BRWD1: variants seen among roughly 807,000 people sequenced by gnomAD.
BRWD1 encodes the protein bromodomain and WD repeat-containing protein 1.
In BRWD1, 82 loss-of-function variants were observed where a neutral mutation model predicts 251.2. That is an observed-to-expected ratio of 0.33 (90% CI 0.27 to 0.39). The LOEUF is 0.39. Among genes scored for constraint, BRWD1 ranks in the 10% least tolerant of loss-of-function variants. The probability of loss-of-function intolerance (pLI) is 1.00; values close to 1 mark genes in which losing one functional copy is unlikely to be tolerated. For synonymous variants in BRWD1, 918 were observed against 902.8 expected, an observed-to-expected ratio of 1.02 and a Z score of -0.30; for missense variants, 2,233 against 2,711.6, an observed-to-expected ratio of 0.82 and a Z score of 3.92.
Position 39,275,799 on chromosome 21 carries a change from G to A in BRWD1, c.1145+374C>T, listed in dbSNP as rs893203968. 4.6e-5 allele frequency among the ~76,000 whole-genome samples: 7 copies of A among 152,168 alleles called. No individual in the cohort carries two copies. In the South Asian group the frequency reaches 6.2e-4, roughly 13 times the overall value. On this transcript the variant is annotated intron_variant, in intron 12 of 40. Transcript: ENST00000342449. ...TGTAATCCCAGCACTTTAGGAGGGC[G>A]AGGCAGGCAGATCACCTGAAGTCGG...
chr21:39,232,595 C>T, intron 23 of BRWD1, 97 bp from the exon 24 acceptor site: 1 of 1,400,776 alleles, frequency 7.1e-7, no homozygotes, highest in Non-Finnish European at 9.7e-7. Context: ...TTCAGAATGA[C>T]TATTTTTGCC....
chr21:39,314,456 A>G (rs9981349), upstream of BRWD1: 44,569 of 394,430 alleles, frequency 0.11, 2,876 homozygotes, highest in East Asian at 0.15. Flanking sequence ...GGTGGTGCAG[A>G]CGGGCCGCAG....
In BRWD1 at chr21:39,187,522, A is replaced by C; in HGVS notation, c.*8737T>G. On this transcript the variant is annotated 3_prime_UTR_variant, in exon 41 of 41. Transcript: ENST00000342449. ...CACTCATTCGGAAACAATAAATTTA[A>C]AAGTCATATTGCTAAATGATAAATT... 7.0e-7 allele frequency: 1 copy of C among 1,421,678 alleles called. No individual in the cohort carries two copies. The highest frequency in any genetic ancestry group is 9.2e-7 in the Non-Finnish European group (1 of 1,091,188). The allele number at this position is 1,421,678 out of a possible 1,614,324, so 88.1% of individuals were successfully genotyped here.
Position 39,197,162 on chromosome 21 carries a change from ACAAG to A in BRWD1, c.5903_5906del (p.Ala1968ValfsTer8). ...CACTCAATTTCTTCTTAGCTGTAGT[ACAAG>A]CAAGATGGAGAGGTTTTTTCCTTCC... On this transcript the variant is annotated frameshift_variant, in exon 41 of 41. Coordinates refer to ENST00000342449, the MANE Select transcript of BRWD1 (RefSeq NM_033656.4). LOFTEE classifies it low-confidence loss of function (END_TRUNC). The A allele has an allele frequency of 6.2e-7, 1 of 1,614,156 alleles. No homozygotes were observed. The highest frequency in any genetic ancestry group is 8.5e-7 in the Non-Finnish European group (1 of 1,179,976).
rs2031442642 is a variant in BRWD1 at position 39,189,684 on chromosome 21, T to A, written c.*6575A>T. 1.0e-6 allele frequency: 1 copy of A among 982,410 alleles called. No individual in the cohort carries two copies. The highest frequency in any genetic ancestry group is 1.2e-6 in the Non-Finnish European group (1 of 827,310). The allele number at this position is 982,410 out of a possible 1,614,324, so 60.9% of individuals were successfully genotyped here. A position where few individuals can be genotyped will look rare whatever the true frequency, so the allele number is the denominator to read the frequency against. On this transcript the variant is annotated 3_prime_UTR_variant, in exon 41 of 41. Transcript: ENST00000342449. ...GAGGAAGACAAAACTGTGGAGAATT[T>A]TTTTAAATACATTCAAGTCAGTGTT... is the stretch of plus-strand genomic sequence containing the variant.
chr21:39,229,526 A>G, intron 25 of BRWD1, 90 bp from the exon 26 acceptor site: 2 of 1,284,456 alleles, frequency 1.6e-6, no homozygotes, highest in Admixed American at 2.5e-5. Context: ...GTAAACTCAT[A>G]ATTTAGGCTT....
rs1405640900 is a variant in BRWD1, at chr21:39,218,232, T to C, written c.3579A>G (p.Thr1193=). ...CTACTACAGTACAGTACTTCGGGTA[T>C]GTACACAAATCAACAGGGCCTGCAA... ...AAFAGPVDLC[T]YPKYCTVVAY... Residue 1193 remains threonine (T), a synonymous_variant, in exon 31 of 41, where the codon ACA becomes ACG. Coordinates refer to ENST00000342449, the MANE Select transcript of BRWD1 (RefSeq NM_033656.4). 1 of 1,611,718 alleles carries C rather than the reference T, an allele frequency of 6.2e-7. No homozygotes were observed. Among genetic ancestry groups the C allele is most frequent in the Non-Finnish European group, 8.5e-7 (1 of 1,179,458 alleles).
chr21:39,231,817 T>G (rs1327684130), intron 25 of BRWD1, among the ~76,000 whole-genome samples: 1 of 152,232 alleles, frequency 6.6e-6, no homozygotes, highest in East Asian at 1.9e-4. Flanking sequence ...ATCCATGAGG[T>G]TAAACCCTTC....
chr21:39,313,190 C>T (rs1448150038), intron 2 of BRWD1, 51 bp downstream of exon 2: 2 of 1,510,010 alleles, frequency 1.3e-6, no homozygotes, highest in Non-Finnish European at 1.8e-6. Context: ...CCCCCGGCGG[C>T]GGGGACACTG....
Position 39,193,277 on chromosome 21 carries a change from T to G in BRWD1, c.*2982A>C, listed in dbSNP as rs2031648105. The G allele has an allele frequency of 3.8e-5, 37 of 985,022 alleles. No individual in the cohort carries two copies. The highest frequency in any genetic ancestry group is 4.3e-5 in the Non-Finnish European group (36 of 829,734). The allele number at this position is 985,022 out of a possible 1,614,324, so 61.0% of individuals were successfully genotyped here. A position where few individuals can be genotyped will look rare whatever the true frequency, so the allele number is the denominator to read the frequency against. On this transcript the variant is annotated 3_prime_UTR_variant, in exon 41 of 41. Coordinates refer to ENST00000342449, the MANE Select transcript of BRWD1 (RefSeq NM_033656.4). ...CTGCTATATCATTGTTTCCAAGGAT[T>G]AATAAACTGAGAAATGATTTAATCA...
chr21:39,248,641 CAAAAAAAAA>C lies in BRWD1; in HGVS notation c.2350-818_2350-810del, dbSNP rs375430016. Among the ~76,000 whole-genome samples the C allele has an allele frequency of 1.8e-3, 153 of 83,294 alleles. 13 individuals carry two copies. The highest frequency in any genetic ancestry group is 7.5e-3 in the African/African-American group (146 of 19,476). 54.6% of individuals were successfully genotyped at this position (83,294 alleles called of 152,430 possible). A position where few individuals can be genotyped will look rare whatever the true frequency, so the allele number is the denominator to read the frequency against. ...TGGGCAAGAGTGAGACCCTATCTCCCAAAAAAAAAAAAAAAAAAAAAAAAAAAAAAAAAA... is the reference window on the plus strand; with the variant it reads ...TGGGCAAGAGTGAGACCCTATCTCCCAAAAAAAAAAAAAAAAAAAAAAAAA... On this transcript the variant is annotated intron_variant, in intron 20 of 40. Coordinates refer to ENST00000342449, the MANE Select transcript of BRWD1 (RefSeq NM_033656.4).
chr21:39,237,048 T>C (rs939222543), intron 22 of BRWD1, among the ~76,000 whole-genome samples: 2 of 151,918 alleles, frequency 1.3e-5, no homozygotes, highest in African/African-American at 4.8e-5. Context: ...TTTAGGTATA[T>C]TGTAGATAAA....
chr21:39,316,329 G>T (rs965542780), upstream of BRWD1, among the ~76,000 whole-genome samples: 1 of 152,174 alleles, frequency 6.6e-6, no homozygotes, highest in African/African-American at 2.4e-5. Flanking sequence ...AGGGCATACA[G>T]GCTGGTAGCT....
At position 39,258,538 on chromosome 21, in the gene BRWD1, G is replaced by C; in HGVS notation, c.2020C>G (p.Gln674Glu). ...QQQDQRMGAD[Q>E]DTIPRGLSNG... ...GAAAGTCCTCTTGGAATAGTATCCT[G>C]ATCTGCTCCCATTCTCTGATCTTGC... Residue 674 changes from glutamine (Q) to glutamate (E), a missense_variant, in exon 18 of 41, where the codon CAG (glutamine) becomes GAG (glutamate). Gln to Glu is a conservative substitution (Grantham distance 29, BLOSUM62 2). Coordinates refer to ENST00000342449, the MANE Select transcript of BRWD1 (RefSeq NM_033656.4). 1.9e-6 allele frequency: 3 copies of C among 1,612,866 alleles called. No homozygotes were observed. Among genetic ancestry groups the C allele is most frequent in the Non-Finnish European group, 2.5e-6 (3 of 1,179,372 alleles).
At chr21:39,213,130 T>C (rs1164767038) in intron 33 of BRWD1, among the ~76,000 whole-genome samples, 1 of 152,142 alleles carries the variant, frequency 6.6e-6, no homozygotes, top group Non-Finnish European at 1.5e-5. Flanking sequence ...GGTCTCAAAC[T>C]CCTGGCTCAA....
Position 39,187,284 on chromosome 21 carries a change from AGCACATCT to A in BRWD1, c.*8967_*8974del. The A allele has an allele frequency of 6.2e-7, 1 of 1,614,042 alleles. No homozygotes were observed. Among genetic ancestry groups the A allele is most frequent in the South Asian group, 1.1e-5 (1 of 91,080 alleles). ...TCTTTATTTTATTTGCAGCAACAGTAGCACATCTGCGGGGAACTTTCTCAGGTACCATT... is the reference window on the plus strand; with the variant it reads ...TCTTTATTTTATTTGCAGCAACAGTAGCGGGGAACTTTCTCAGGTACCATT... On this transcript the variant is annotated 3_prime_UTR_variant, in exon 41 of 41. Transcript: ENST00000342449.
intron 8 of BRWD1, among the ~76,000 whole-genome samples, chr21:39,286,994 C>T (rs1350757179): frequency 6.6e-6 from 1 of 152,146 alleles, no homozygotes; most frequent in South Asian, 2.1e-4. Context: ...GCAACACTTG[C>T]TTCCTGATGT....
At chr21:39,252,210 T>C (rs977969948) in intron 19 of BRWD1, among the ~76,000 whole-genome samples, 4 of 146,180 alleles carry the variant, frequency 2.7e-5, no homozygotes, top group Non-Finnish European at 5.9e-5. Flanking sequence ...GATCACACCA[T>C]TACACTCCAG....
intron 4 of BRWD1, among the ~76,000 whole-genome samples, chr21:39,303,055 A>AAAAAAAAAGAT (rs2036170537): frequency 6.6e-6 from 1 of 151,386 alleles, no homozygotes; most frequent in African/African-American, 2.4e-5. Flanking sequence ...ACTCCGTCTC[A>AAAAAAAAAGAT]AAAAAAAAGA....
Sources: allele counts gnomAD v4.1 joint callset (sites outside exome capture counted in the v4.1 genomes callset), GRCh38; gene constraint gnomAD v4.1.1; transcripts MANE v1.5; gene names NCBI Gene and HGNC (gene_info 2026-07-23, HGNC 2026-07-21).